GPC6: variants seen among roughly 807,000 people sequenced by gnomAD.
GPC6 encodes the protein glypican 6.
In GPC6, 14 loss-of-function variants were observed where a neutral mutation model predicts 55.2. The observed-to-expected ratio is 0.25, with a 90% CI of 0.17 to 0.40. The LOEUF (loss-of-function observed/expected upper bound fraction) is 0.40, where lower values mean the gene tolerates loss of function less well. Ranked by LOEUF, GPC6 falls within the 10% of genes least tolerant of loss-of-function variation. The pLI, the probability that GPC6 is intolerant of heterozygous loss-of-function variation, is 1.00. For missense variants in GPC6, 641 were observed against 708.5 expected (o/e 0.90, Z 1.08); for synonymous variants, 278 against 259.6 (o/e 1.07, Z -0.68).
chr13:93,224,313 A>T (rs756671119), upstream of GPC6, among the ~76,000 whole-genome samples: 1 of 144,258 alleles, frequency 6.9e-6, no homozygotes, highest in East Asian at 2.1e-4. Context: ...TCCTGCCTCA[A>T]CCTCCCGAGG....
chr13:93,871,582 A>G (rs1889134363), intron 3 of GPC6, among the ~76,000 whole-genome samples: 1 of 152,130 alleles, frequency 6.6e-6, no homozygotes, highest in South Asian at 2.1e-4. Flanking sequence ...TTGATGTCAG[A>G]CACATTTTGT....
chr13:93,776,151 A>G (rs1322131395), intron 2 of GPC6, among the ~76,000 whole-genome samples: 2 of 151,920 alleles, frequency 1.3e-5, no homozygotes, highest in African/African-American at 2.4e-5. Flanking sequence ...TGAAAACTAC[A>G]TAAAAATAGT....
At chr13:94,009,738 C>T (rs1332014352) in intron 3 of GPC6, among the ~76,000 whole-genome samples, 2 of 152,090 alleles carry the variant, frequency 1.3e-5, no homozygotes, top group Non-Finnish European at 2.9e-5. Flanking sequence ...CTGAGGTCTA[C>T]CACCTGTGGG....
intron 1 of GPC6, among the ~76,000 whole-genome samples, chr13:93,451,821 C>T (rs1878235389): frequency 6.6e-6 from 1 of 152,144 alleles, no homozygotes; most frequent in South Asian, 2.1e-4. Context: ...GCTGTGTCAG[C>T]CACCAGATGC....
rs117187115 is a variant in GPC6, at chr13:94,165,062, A to C, written c.878-121287A>C. 8.5e-3 allele frequency among the ~76,000 whole-genome samples: 1,297 copies of C among 151,976 alleles called. 10 individuals are homozygous for C. The highest frequency in any genetic ancestry group is 0.015 in the South Asian group (73 of 4,822). On this transcript the variant is annotated intron_variant, in intron 4 of 8. Transcript: ENST00000377047. ...CACTCCTGGGTATCTTCCCAGAGGA[A>C]AAAAAGTCACTATACAAAAAAGATA...
chr13:93,670,985 G>A (rs182810388), intron 2 of GPC6, among the ~76,000 whole-genome samples: 1 of 152,200 alleles, frequency 6.6e-6, no homozygotes, highest in East Asian at 1.9e-4. Context: ...TTTTGGTCTT[G>A]CTCCCTTTCC....
intron 1 of GPC6, chr13:93,395,572 A>C (rs1190932272): frequency 6.1e-6 from 1 of 165,022 alleles, no homozygotes; most frequent in South Asian, 1.6e-4. Flanking sequence ...TTAAATGGGC[A>C]CCTGCTCATT....
chr13:93,939,715 G>A (rs1878633113), intron 3 of GPC6, among the ~76,000 whole-genome samples: 1 of 151,978 alleles, frequency 6.6e-6, no homozygotes, highest in South Asian at 2.1e-4. Flanking sequence ...CTCCCAAAGT[G>A]CTAGGATTAC....
chr13:94,061,394 G>C (rs1236816253), intron 4 of GPC6, among the ~76,000 whole-genome samples: 2 of 152,166 alleles, frequency 1.3e-5, no homozygotes, highest in Admixed American at 6.5e-5. Flanking sequence ...TTGAAGGCCA[G>C]ATTTGCAGTG....
chr13:94,162,651 CT>C (rs1888207576), intron 4 of GPC6, among the ~76,000 whole-genome samples: 1 of 152,172 alleles, frequency 6.6e-6, no homozygotes, highest in East Asian at 1.9e-4. Context: ...TTTAGTTTCT[CT>C]TTTTAGTCAT....
At chr13:94,059,282 T>G (rs554139114) in intron 4 of GPC6, among the ~76,000 whole-genome samples, 3 of 152,146 alleles carry the variant, frequency 2.0e-5, no homozygotes, top group African/African-American at 7.2e-5. Context: ...GGGTGTGGAC[T>G]ACTATGTATT....
intron 1 of GPC6, among the ~76,000 whole-genome samples, chr13:93,286,620 G>A (rs966689726): frequency 6.6e-6 from 1 of 152,172 alleles, no homozygotes; most frequent in Non-Finnish European, 1.5e-5. Flanking sequence ...AAAAACAGAA[G>A]TTTGGCATTC....
chr13:93,522,669 C>CA (rs1453278090), intron 1 of GPC6, among the ~76,000 whole-genome samples: 4 of 151,852 alleles, frequency 2.6e-5, no homozygotes, highest in African/African-American at 9.7e-5. Context: ...TCATCAAAGA[C>CA]AAAACAAAAC....
At chr13:94,297,876 C>A (rs957647274) in intron 5 of GPC6, among the ~76,000 whole-genome samples, 2 of 151,810 alleles carry the variant, frequency 1.3e-5, no homozygotes, top group Non-Finnish European at 2.9e-5. Flanking sequence ...TGTAATCAAT[C>A]TTTAAGGAAA....
chr13:93,942,129 A>ATT (rs1878768054), intron 3 of GPC6, among the ~76,000 whole-genome samples: 1 of 152,202 alleles, frequency 6.6e-6, no homozygotes, highest in Non-Finnish European at 1.5e-5. Context: ...TACTGCCCTA[A>ATT]TTCATGGTAG....
intron 7 of GPC6, among the ~76,000 whole-genome samples, chr13:94,395,070 T>C (rs1880837864): frequency 1.3e-5 from 2 of 152,214 alleles, no homozygotes; most frequent in Admixed American, 6.5e-5. Context: ...GAATCGACCA[T>C]CACCTCTCAG....
intron 3 of GPC6, among the ~76,000 whole-genome samples, chr13:93,837,957 C>G (rs1055027052): frequency 1.3e-5 from 2 of 152,158 alleles, no homozygotes; most frequent in Non-Finnish European, 2.9e-5. Context: ...CCATAAAGTA[C>G]AAAGCAATGA....
intron 1 of GPC6, among the ~76,000 whole-genome samples, chr13:93,343,695 T>C (rs775375448): frequency 6.6e-6 from 1 of 152,194 alleles, no homozygotes; most frequent in Non-Finnish European, 1.5e-5. Flanking sequence ...TTGTCATTCC[T>C]TAGTCTCTGA....
chr13:93,612,448 A>G (rs1566449376), intron 2 of GPC6, among the ~76,000 whole-genome samples: 3 of 150,920 alleles, frequency 2.0e-5, no homozygotes, highest in Non-Finnish European at 2.9e-5. Context: ...GCAGTGAGCC[A>G]AGATTGCGCC....
Sources: gnomAD v4.1 joint callset for allele counts (sites outside exome capture counted in the v4.1 genomes callset) on GRCh38, gnomAD v4.1.1 for gene constraint, MANE v1.5 for transcripts, NCBI Gene and HGNC (gene_info 2026-07-23, HGNC 2026-07-21) for gene names.